Variants in DERA observed in about 807,000 individuals in gnomAD.
DERA encodes the protein 2-deoxy-D-ribose 5-phosphate aldolase.
A neutral mutation model predicts 41.1 loss-of-function variants in DERA; 15 were observed. The observed-to-expected ratio is 0.37, with a 90% CI of 0.24 to 0.56. DERA has a LOEUF of 0.56. DERA is among the 20% of genes least tolerant of loss of function. The pLI is 0.81. For missense variants in DERA, 396 were observed against 403.4 expected (o/e 0.98, Z 0.16); for synonymous variants, 139 against 137.4 (o/e 1.01, Z -0.08).
chr12:15,936,392 G>A lies in DERA; in HGVS notation c.32-20544G>A, dbSNP rs1314210103. 6.6e-6 allele frequency among the ~76,000 whole-genome samples: 1 copy of A among 152,230 alleles called. No homozygotes were observed. The highest frequency in any genetic ancestry group is 1.5e-5 in the Non-Finnish European group (1 of 68,046). On this transcript the variant is annotated intron_variant, in intron 1 of 8. Transcript: ENST00000428559. The surrounding 1 kb of genome is among the most constrained non-coding windows in gnomAD (Gnocchi z 4.6). ...CTAACACATTAATAATTTACTGTTT[G>A]TGTTGGCAGTTTTTTCTGCAATATC...
chr12:15,962,073 C>T (rs780955649), intron 4 of DERA, among the ~76,000 whole-genome samples: 1 of 152,132 alleles, frequency 6.6e-6, no homozygotes, highest in Non-Finnish European at 1.5e-5. Context: ...GGTAACATGA[C>T]AGGTTTTTTT....
chr12:16,023,165 T>A (rs1025493936), intron 6 of DERA, among the ~76,000 whole-genome samples: 1 of 152,168 alleles, frequency 6.6e-6, no homozygotes, highest in African/African-American at 2.4e-5. Flanking sequence ...CTCCCTCATC[T>A]GTTACCACCA....
At chr12:15,969,905 G>A (rs1370795512) in intron 5 of DERA, among the ~76,000 whole-genome samples, 4 of 151,926 alleles carry the variant, frequency 2.6e-5, no homozygotes, top group Admixed American at 6.6e-5. Context: ...TCTCTGTTTT[G>A]GAAGTTGTAT....
rs1482502513 is a variant in DERA at position 15,996,690 on chromosome 12, A to G, written c.637+14254A>G. 6.6e-6 allele frequency among the ~76,000 whole-genome samples: 1 copy of G among 152,218 alleles called. No individual in the cohort carries two copies. Among genetic ancestry groups the G allele is most frequent in the East Asian group, 1.9e-4 (1 of 5,200 alleles). On this transcript the variant is annotated intron_variant, in intron 6 of 8. Coordinates refer to ENST00000428559, the MANE Select transcript of DERA (RefSeq NM_015954.4). This position sits in a 1 kb window ranked among gnomAD's most constrained non-coding sequence, Gnocchi z 4.7. ...TTTTGACATCTCTTTTTTGGGGGAA[A>G]CAATTCAAAGCAAAGAGAAATAGGA...
chr12:15,952,369 ACT>A (rs1378010065), intron 1 of DERA, among the ~76,000 whole-genome samples: 2 of 152,150 alleles, frequency 1.3e-5, no homozygotes, highest in Non-Finnish European at 2.9e-5. Flanking sequence ...TATTCTGTGT[ACT>A]GATTACTTTT....
Position 15,998,523 on chromosome 12 carries a change from G to A in DERA, c.637+16087G>A, listed in dbSNP as rs571813686. On this transcript the variant is annotated intron_variant, in intron 6 of 8. Coordinates refer to ENST00000428559, the MANE Select transcript of DERA (RefSeq NM_015954.4). This position sits in a 1 kb window ranked among gnomAD's most constrained non-coding sequence, Gnocchi z 4.8. Reference sequence around the variant, plus strand: ...GTAGAGATGGGGTTTCTTCATATTGGCCAGGCTGGTCTCGAACTCCTGACC... The same window carrying A: ...GTAGAGATGGGGTTTCTTCATATTGACCAGGCTGGTCTCGAACTCCTGACC... Among the ~76,000 whole-genome samples the A allele has an allele frequency of 5.1e-3, 781 of 152,000 alleles. 2 individuals carry two copies. Among genetic ancestry groups the A allele is most frequent in the Non-Finnish European group, 8.9e-3 (608 of 67,956 alleles).
Position 16,013,946 on chromosome 12 carries a change from C to T in DERA, c.638-18596C>T, listed in dbSNP as rs1948963401. 6.6e-6 allele frequency among the ~76,000 whole-genome samples: 1 copy of T among 152,090 alleles called. No homozygotes were observed. Among genetic ancestry groups the T allele is most frequent in the Admixed American group, 6.5e-5 (1 of 15,270 alleles). On this transcript the variant is annotated intron_variant, in intron 6 of 8. Transcript: ENST00000428559. The surrounding 1 kb of genome is among the most constrained non-coding windows in gnomAD (Gnocchi z 5.8). The stretch of plus-strand genomic sequence containing the variant: ...GAGACTGGTGGCACTTTGCCCCTGC[C>T]CTAAAGATCTGCGGAACTTTGAACT...
intron 6 of DERA, among the ~76,000 whole-genome samples, chr12:16,022,343 T>G (rs939464348): frequency 6.6e-6 from 1 of 152,228 alleles, no homozygotes; most frequent in African/African-American, 2.4e-5. Context: ...CAGGAGCCAA[T>G]CCTGATACAA....
rs1436903365 is a variant in DERA at position 15,957,771 on chromosome 12, T to A, written c.130-417T>A. On this transcript the variant is annotated intron_variant, in intron 2 of 8. Transcript: ENST00000428559. This position sits in a 1 kb window ranked among gnomAD's most constrained non-coding sequence, Gnocchi z 4.8. The stretch of plus-strand genomic sequence containing the variant: ...AAAAAACACCAAAAAACTTGGAAAC[T>A]TTTAAAAATGATAATCTCATCCCAG... 6.6e-6 allele frequency among the ~76,000 whole-genome samples: 1 copy of A among 152,234 alleles called. No individual in the cohort carries two copies. The highest frequency in any genetic ancestry group is 1.5e-5 in the Non-Finnish European group (1 of 68,030).
chr12:15,919,992 GTC>G (rs1555148062), intron 1 of DERA, among the ~76,000 whole-genome samples: 1 of 151,548 alleles, frequency 6.6e-6, no homozygotes, highest in Non-Finnish European at 1.5e-5. Flanking sequence ...GTGTGTGTGT[GTC>G]TGTGTGTGTG....
intron 6 of DERA, among the ~76,000 whole-genome samples, chr12:16,018,361 T>A (rs577016378): frequency 6.6e-6 from 1 of 152,292 alleles, no homozygotes. Context: ...TTAATAACAA[T>A]TATCCATTAT....
chr12:16,016,895 T>A (rs1302233552), intron 6 of DERA, among the ~76,000 whole-genome samples: 2 of 150,230 alleles, frequency 1.3e-5, no homozygotes, highest in Non-Finnish European at 3.0e-5. Context: ...CTGGCATTAC[T>A]ACAGTTCATT....
At chr12:16,015,193 T>A (rs771495393) in intron 6 of DERA, among the ~76,000 whole-genome samples, 2 of 152,104 alleles carry the variant, frequency 1.3e-5, no homozygotes, top group Non-Finnish European at 2.9e-5. Flanking sequence ...GCATGATTGG[T>A]TTTGAAATGT....
intron 1 of DERA, among the ~76,000 whole-genome samples, chr12:15,939,171 A>T (rs1948392040): frequency 6.6e-6 from 1 of 152,144 alleles, no homozygotes; most frequent in Non-Finnish European, 1.5e-5. Flanking sequence ...AAAGAAGGAG[A>T]CTTAATGTCC....
At chr12:15,916,617 G>A (rs946136820) in intron 1 of DERA, among the ~76,000 whole-genome samples, 1 of 151,742 alleles carries the variant, frequency 6.6e-6, no homozygotes, top group Admixed American at 6.6e-5. Flanking sequence ...TGCCCAGCTA[G>A]TTTTTGTATT....
chr12:15,947,471 T>C (rs534305598), intron 1 of DERA, among the ~76,000 whole-genome samples: 2 of 151,964 alleles, frequency 1.3e-5, no homozygotes, highest in South Asian at 4.2e-4. Context: ...ATGGCCTTCT[T>C]TGTCTCTTTT....
Position 15,989,512 on chromosome 12 carries a change from G to A in DERA, c.637+7076G>A, listed in dbSNP as rs1239569393. On this transcript the variant is annotated intron_variant, in intron 6 of 8. Coordinates refer to ENST00000428559, the MANE Select transcript of DERA (RefSeq NM_015954.4). The surrounding 1 kb of genome is among the most constrained non-coding windows in gnomAD (Gnocchi z 5.2). Reference sequence around the variant, plus strand: ...TGTAATAGCTGATTTAAAGCCTTATGTGCTAATTTGTACAGCTGGGTTATT... The same window carrying A: ...TGTAATAGCTGATTTAAAGCCTTATATGCTAATTTGTACAGCTGGGTTATT... 1.3e-5 allele frequency among the ~76,000 whole-genome samples: 2 copies of A among 152,128 alleles called. No homozygotes were observed. Among genetic ancestry groups the A allele is most frequent in the African/African-American group, 4.8e-5 (2 of 41,420 alleles).
intron 6 of DERA, among the ~76,000 whole-genome samples, chr12:16,006,593 T>C (rs1948912565): frequency 6.6e-6 from 1 of 152,218 alleles, no homozygotes; most frequent in Admixed American, 6.5e-5. Context: ...CGACATGAAT[T>C]CCTAACCTGT....
chr12:16,034,277 T>C (rs1592060444), intron 7 of DERA, among the ~76,000 whole-genome samples: 1 of 152,168 alleles, frequency 6.6e-6, no homozygotes, highest in African/African-American at 2.4e-5. Flanking sequence ...TGTTAAATGC[T>C]AGGAATGGAA....
Sources: allele counts gnomAD v4.1 joint callset (sites outside exome capture counted in the v4.1 genomes callset), GRCh38; gene constraint gnomAD v4.1.1; non-coding constraint Gnocchi (gnomAD v3.1); transcripts MANE v1.5; gene names NCBI Gene and HGNC (gene_info 2026-07-23, HGNC 2026-07-21).